Variants in PAX2 observed in about 807,000 individuals in gnomAD.
PAX2 encodes the protein paired box 2, also known as paired box protein Pax-2.
A neutral mutation model predicts 41.7 loss-of-function variants in PAX2; 9 were observed. The observed-to-expected ratio is 0.22, with a 90% confidence interval of 0.13 to 0.38. PAX2 has a LOEUF of 0.38. PAX2 is among the 10% of genes least tolerant of loss of function. The probability of loss-of-function intolerance (pLI) is 1.00; values close to 1 mark genes in which losing one functional copy is unlikely to be tolerated. For synonymous variants in PAX2, 221 were observed against 212.7 expected, an observed-to-expected ratio of 1.04 and a Z score of -0.34; for missense variants, 418 against 531.6, an observed-to-expected ratio of 0.79 and a Z score of 2.10.
At chr10:100,745,530 TG>T (rs542872245), upstream of PAX2, among the ~76,000 whole-genome samples, 165 of 152,136 alleles carry the variant, frequency 1.1e-3, no homozygotes, top group Middle Eastern at 6.8e-3. Flanking sequence ...GGAGGAGGTC[TG>T]GAGGGGGCTT....
chr10:100,747,402 G>A (rs1449574810), intron 1 of PAX2: 1 of 153,974 alleles, frequency 6.5e-6, no homozygotes, highest in African/African-American at 2.4e-5. Context: ...ATAGAGAAAA[G>A]AGGGAATTAT....
chr10:100,779,454 G>C, intron 3 of PAX2, 44 bp from the exon 4 acceptor site: 1 of 1,491,270 alleles, frequency 6.7e-7, no homozygotes, highest in Non-Finnish European at 9.2e-7. Context: ...GGCCGGGATA[G>C]GAGTGGGCAT....
At position 100,746,026 on chromosome 10, in the gene PAX2, G is replaced by A. The variant is rs1045478503; in HGVS notation, c.-235G>A. The A allele has an allele frequency of 8.4e-6, 12 of 1,420,730 alleles. No homozygotes were observed. The Admixed American group carries it at 2.4e-4, about 28-fold the overall frequency. The allele number at this position is 1,420,730 out of a possible 1,614,324, so 88.0% of individuals were successfully genotyped here. ...GCCATTCTGCTGACCGCCCAGCCCC[G>A]AGCCCCGACAGTGGCAAGTTGCGGC... On this transcript the variant is annotated 5_prime_UTR_variant, in exon 1 of 10. Transcript: ENST00000355243.
At chr10:100,797,586 C>T (rs1847384215) in intron 5 of PAX2, among the ~76,000 whole-genome samples, 1 of 152,196 alleles carries the variant, frequency 6.6e-6, no homozygotes, top group African/African-American at 2.4e-5. Context: ...GTAAGGATTA[C>T]ATCAGTGCAT....
chr10:100,826,907 T>A lies in PAX2; in HGVS notation c.1022-102T>A, dbSNP rs992121384. 1.2e-6 allele frequency: 1 copy of A among 817,576 alleles called. No homozygotes were observed. The highest frequency in any genetic ancestry group is 1.7e-5 in the African/African-American group (1 of 58,868). 50.6% of individuals were successfully genotyped at this position (817,576 alleles called of 1,614,324 possible). A position where few individuals can be genotyped will look rare whatever the true frequency, so the allele number is the denominator to read the frequency against. On this transcript the variant is annotated intron_variant, in intron 8 of 9. Coordinates refer to ENST00000355243, the MANE Select transcript of PAX2 (RefSeq NM_000278.5). The surrounding 1 kb of genome is among the most constrained non-coding windows in gnomAD (Gnocchi z 5.5). ...TTACCCTGCCCGCGACACCTGCGCC[T>A]GAGACCCGGCGGGAGGAGCGGGCGG... is the stretch of plus-strand genomic sequence containing the variant.
At chr10:100,792,903 A>G (rs1455290108) in intron 5 of PAX2, among the ~76,000 whole-genome samples, 2 of 152,208 alleles carry the variant, frequency 1.3e-5, no homozygotes, top group African/African-American at 2.4e-5. Context: ...AGCCCCCAAC[A>G]CAGGAAAACA....
In PAX2 at chr10:100,827,729, G is replaced by A. The variant is rs761311418; in HGVS notation, c.*110G>A. Reference sequence around the variant, plus strand: ...GGACCGACGCGACGCGATGCCTCCCGGCCACCGCCCCAGCCTCACCCCATC... The same window carrying A: ...GGACCGACGCGACGCGATGCCTCCCAGCCACCGCCCCAGCCTCACCCCATC... On this transcript the variant is annotated 3_prime_UTR_variant, in exon 10 of 10. Coordinates refer to ENST00000355243, the MANE Select transcript of PAX2 (RefSeq NM_000278.5). The surrounding 1 kb of genome is among the most constrained non-coding windows in gnomAD (Gnocchi z 8.5). 2 of 1,589,932 alleles carry A rather than the reference G, an allele frequency of 1.3e-6. No individual in the cohort carries two copies. Among genetic ancestry groups the A allele is most frequent in the Admixed American group, 3.4e-5 (2 of 59,624 alleles).
intron 5 of PAX2, among the ~76,000 whole-genome samples, chr10:100,800,361 C>A (rs138161123): frequency 9.5e-4 from 139 of 146,102 alleles, no homozygotes; most frequent in African/African-American, 3.5e-3. Context: ...TCACTGCAGC[C>A]TTGACCTCCC....
In PAX2 at chr10:100,810,868, A is replaced by G. The variant is rs569759532; in HGVS notation, c.919+1632A>G. Among the ~76,000 whole-genome samples, 4 of 141,338 alleles carry G rather than the reference A, an allele frequency of 2.8e-5. No homozygotes were observed. The South Asian group carries it at 7.6e-4, about 27-fold the overall frequency. The allele number at this position is 141,338 out of a possible 152,430, so 92.7% of individuals were successfully genotyped here. ...AGCAGCCCCCACCCGCCTCCCCCCC[A>G]TGGCCCTGGAACAGTCCCAGCTCAG... is the stretch of plus-strand genomic sequence containing the variant. On this transcript the variant is annotated intron_variant, in intron 7 of 9. Coordinates refer to ENST00000355243, the MANE Select transcript of PAX2 (RefSeq NM_000278.5).
chr10:100,807,125 A>G (rs1206703348), intron 6 of PAX2, among the ~76,000 whole-genome samples: 1 of 152,120 alleles, frequency 6.6e-6, no homozygotes, highest in Non-Finnish European at 1.5e-5. Context: ...GTAGGCTGGC[A>G]GCTTCCCACT....
At chr10:100,798,230 C>G (rs1215383773) in intron 5 of PAX2, among the ~76,000 whole-genome samples, 1 of 149,624 alleles carries the variant, frequency 6.7e-6, no homozygotes, top group Admixed American at 6.7e-5. Context: ...ATCCTCCAAT[C>G]TCAGCCTCCC....
intron 1 of PAX2, among the ~76,000 whole-genome samples, chr10:100,737,079 TC>T: frequency 6.6e-6 from 1 of 152,326 alleles, no homozygotes; most frequent in East Asian, 1.9e-4. Context: ...ATACCTCCTG[TC>T]CCCTGCCCTC....
intron 7 of PAX2, among the ~76,000 whole-genome samples, chr10:100,814,676 T>G (rs1848127448): frequency 6.6e-6 from 1 of 152,224 alleles, no homozygotes; most frequent in Non-Finnish European, 1.5e-5. Flanking sequence ...GCACAGTACC[T>G]TTCTCCCCAG....
At chr10:100,810,322 C>T (rs975528554) in intron 7 of PAX2, among the ~76,000 whole-genome samples, 1 of 152,198 alleles carries the variant, frequency 6.6e-6, no homozygotes, top group African/African-American at 2.4e-5. Flanking sequence ...CACCCAGCCT[C>T]CACCTGGGGG....
chr10:100,741,519 G>A, upstream of PAX2, among the ~76,000 whole-genome samples: 1 of 151,982 alleles, frequency 6.6e-6, no homozygotes, highest in Non-Finnish European at 1.5e-5. Context: ...GCAGGAGCCG[G>A]TCAGGCCTTT....
chr10:100,748,294 A>AG lies in PAX2; in HGVS notation c.44-1449dup. The AG allele has an allele frequency of 1.0e-6, 1 of 978,386 alleles. No homozygotes were observed. The highest frequency in any genetic ancestry group is 1.2e-6 in the Non-Finnish European group (1 of 826,236). 60.6% of individuals were successfully genotyped at this position (978,386 alleles called of 1,614,324 possible). On this transcript the variant is annotated intron_variant, in intron 1 of 9. Coordinates refer to ENST00000355243, the MANE Select transcript of PAX2 (RefSeq NM_000278.5). This position sits in a 1 kb window ranked among gnomAD's most constrained non-coding sequence, Gnocchi z 5.0. ...GATGGTCGGGGTTTGGAGGGAGGGG[A>AG]GGGTGAGAAGTGGGGCTAGAGATAG...
intron 1 of PAX2, 74 bp downstream of exon 1, chr10:100,746,377 C>T (rs1179158148): frequency 4.7e-6 from 5 of 1,073,690 alleles, no homozygotes; most frequent in Non-Finnish European, 7.3e-6. Flanking sequence ...CAGCGTGGCC[C>T]CGGCCCCTCG....
At chr10:100,811,613 C>A (rs988250354) in intron 7 of PAX2, among the ~76,000 whole-genome samples, 4 of 152,340 alleles carry the variant, frequency 2.6e-5, no homozygotes, top group South Asian at 4.1e-4. Flanking sequence ...GGGAGAGGCC[C>A]TTAGTGTATT....
At chr10:100,798,966 T>C (rs1847439908) in intron 5 of PAX2, among the ~76,000 whole-genome samples, 1 of 152,218 alleles carries the variant, frequency 6.6e-6, no homozygotes, top group Non-Finnish European at 1.5e-5. Flanking sequence ...GCCCAGCCGA[T>C]AGAAGGTAAT....
Sources: allele counts gnomAD v4.1 joint callset (sites outside exome capture counted in the v4.1 genomes callset), GRCh38; gene constraint gnomAD v4.1.1; non-coding constraint Gnocchi (gnomAD v3.1); transcripts MANE v1.5; gene names NCBI Gene and HGNC (gene_info 2026-07-23, HGNC 2026-07-21).